CNTN4: variants seen among roughly 807,000 people sequenced by gnomAD.
CNTN4 encodes the protein contactin 4.
CNTN4 carries 77 observed loss-of-function variants against 122.5 expected under a neutral mutation model. That is an observed-to-expected ratio of 0.63 (90% CI 0.52 to 0.76). CNTN4 has a LOEUF of 0.76. CNTN4 is among the 30% of genes least tolerant of loss of function. CNTN4 has a pLI of 0.00. For synonymous variants in CNTN4, 512 were observed against 447.0 expected (o/e 1.15, Z -1.83); for missense variants, 1,256 against 1,259.1 (o/e 1.00, Z 0.04).
chr3:3,038,254 C>T (rs1482183660), intron 18 of CNTN4, among the ~76,000 whole-genome samples: 2 of 152,096 alleles, frequency 1.3e-5, no homozygotes, highest in African/African-American at 4.8e-5. Context: ...GAATTAATTC[C>T]CCTCAGCAAT....
At chr3:2,462,590 C>A (rs546001058) in intron 3 of CNTN4, among the ~76,000 whole-genome samples, 115 of 152,158 alleles carry the variant, frequency 7.6e-4, no homozygotes, top group Admixed American at 1.3e-3. Flanking sequence ...ATTTTGTATG[C>A]CTTTTATCAG....
chr3:2,527,910 G>GTCTCT (rs1168911845), intron 3 of CNTN4, among the ~76,000 whole-genome samples: 90 of 152,188 alleles, frequency 5.9e-4, no homozygotes, highest in Non-Finnish European at 1.2e-3. Flanking sequence ...TAAAGCAAGA[G>GTCTCT]TTCTGCTTTC....
At chr3:2,671,923 AACAGCAAATATTGC>A (rs2084541003) in intron 4 of CNTN4, among the ~76,000 whole-genome samples, 1 of 104,402 alleles carries the variant, frequency 9.6e-6, no homozygotes, top group African/African-American at 6.0e-5. Context: ...AATATTGCTG[AACAGCAAATATTGC>A]TGAACAGCAA....
intron 6 of CNTN4, among the ~76,000 whole-genome samples, chr3:2,780,874 A>T (rs930570670): frequency 1.3e-5 from 2 of 152,216 alleles, no homozygotes; most frequent in African/African-American, 4.8e-5. Context: ...TACGTTTTAG[A>T]TATTGTGAAT....
chr3:2,231,303 C>T (rs561987393), intron 2 of CNTN4, among the ~76,000 whole-genome samples: 34 of 152,298 alleles, frequency 2.2e-4, no homozygotes, highest in African/African-American at 7.7e-4. Flanking sequence ...CATGATAGTA[C>T]AGTTGCCATG....
chr3:2,380,641 C>G (rs1038627596), intron 3 of CNTN4, among the ~76,000 whole-genome samples: 1 of 151,924 alleles, frequency 6.6e-6, no homozygotes, highest in Non-Finnish European at 1.5e-5. Flanking sequence ...ACTACATTGA[C>G]TATTGCCAAA....
chr3:2,284,992 T>G, intron 2 of CNTN4, among the ~76,000 whole-genome samples: 1 of 151,950 alleles, frequency 6.6e-6, no homozygotes, highest in East Asian at 1.9e-4. Context: ...ATTCTCTCTA[T>G]ATATATTTTT....
At position 3,040,189 on chromosome 3, in the gene CNTN4, C is replaced by T; in HGVS notation, c.2316C>T (p.Pro772=). Residue 772 remains proline (P), a synonymous_variant, in exon 20 of 25, where the codon CCC becomes CCT. Coordinates refer to ENST00000418658, the MANE Select transcript of CNTN4 (RefSeq NM_175607.3). ...FRNESVHPFS[P]FEVKVGVFNN... ...ATGAGAGCGTGCACCCCTTCTCTCC[C>T]TTTGAGGTTAAAGTAGGTGTCTTCA... 3 of 1,614,214 alleles carry T rather than the reference C, an allele frequency of 1.9e-6. No homozygotes were observed. The highest frequency in any genetic ancestry group is 2.5e-6 in the Non-Finnish European group (3 of 1,180,032).
intron 2 of CNTN4, chr3:2,110,717 C>A (rs534129251): frequency 7.3e-6 from 1 of 136,988 alleles, no homozygotes; most frequent in Non-Finnish European, 1.6e-5. Flanking sequence ...GGGCCTGTTT[C>A]TCCCCTCCCC....
At chr3:2,907,565 T>C (rs2151191907) in intron 12 of CNTN4, among the ~76,000 whole-genome samples, 1 of 111,470 alleles carries the variant, frequency 9.0e-6, no homozygotes, top group Non-Finnish European at 1.8e-5. Context: ...AGAGTGAGAC[T>C]GTCTCAAAAA....
chr3:2,625,540 A>T (rs562768842), intron 4 of CNTN4, among the ~76,000 whole-genome samples: 2 of 152,118 alleles, frequency 1.3e-5, no homozygotes, highest in African/African-American at 4.8e-5. Flanking sequence ...CACTACTTTT[A>T]TGGTTTTGCC....
At chr3:2,988,554 C>G in intron 14 of CNTN4, 82 bp downstream of exon 14, 2 of 1,397,944 alleles carry the variant, frequency 1.4e-6, no homozygotes, top group Non-Finnish European at 2.0e-6. Context: ...TGGCATCATT[C>G]ATATTAATAT....
intron 3 of CNTN4, among the ~76,000 whole-genome samples, chr3:2,533,608 A>G (rs1203810174): frequency 5.3e-5 from 8 of 152,002 alleles, no homozygotes; most frequent in Non-Finnish European, 8.8e-5. Context: ...GTGTGCATGT[A>G]TCTTTATAGC....
chr3:2,935,814 C>T (rs959035500), intron 13 of CNTN4, among the ~76,000 whole-genome samples: 2 of 152,108 alleles, frequency 1.3e-5, no homozygotes, highest in Non-Finnish European at 2.9e-5. Context: ...ATACAGGTTC[C>T]CCAGTTCCTT....
chr3:2,974,941 T>C (rs1012254370), intron 13 of CNTN4, among the ~76,000 whole-genome samples: 2 of 152,362 alleles, frequency 1.3e-5, no homozygotes, highest in Middle Eastern at 3.4e-3. Flanking sequence ...TATTGCTATT[T>C]GTCTTATAGA....
rs116521758 is a variant in CNTN4 at position 2,921,024 on chromosome 3, A to C, written c.1208-4605A>C. 3.6e-3 allele frequency among the ~76,000 whole-genome samples: 550 copies of C among 152,274 alleles called. 1 individual carries two copies. Among genetic ancestry groups the C allele is most frequent in the Non-Finnish European group, 4.7e-3 (323 of 68,020 alleles). ...TGTTGAGAGTCTCCTTGTGAATATC[A>C]TTCATAATAAGAGAGCACTGACTTG... On this transcript the variant is annotated intron_variant, in intron 12 of 24. Coordinates refer to ENST00000418658, the MANE Select transcript of CNTN4 (RefSeq NM_175607.3).
At chr3:3,036,690 C>T (rs542883476) in intron 17 of CNTN4, among the ~76,000 whole-genome samples, 2 of 151,110 alleles carry the variant, frequency 1.3e-5, no homozygotes, top group Admixed American at 6.6e-5. Context: ...TTGCATGAGT[C>T]TGGGAGGTGG....
chr3:2,754,448 T>C (rs544884233), intron 6 of CNTN4, among the ~76,000 whole-genome samples: 79 of 152,256 alleles, frequency 5.2e-4, no homozygotes, highest in South Asian at 1.0e-3. Flanking sequence ...ATGGGCAAGG[T>C]GGTATTATTC....
chr3:2,717,646 C>T lies in CNTN4; in HGVS notation c.56-18569C>T, dbSNP rs144477491. ...AAAACATCAAACCTGGGGTTGGTTT[C>T]GGGGACTCCTAACACAAGTATATAC... On this transcript the variant is annotated intron_variant, in intron 4 of 24. Coordinates refer to ENST00000418658, the MANE Select transcript of CNTN4 (RefSeq NM_175607.3). 2.4e-4 allele frequency among the ~76,000 whole-genome samples: 36 copies of T among 152,222 alleles called. 2 individuals carry two copies. In the East Asian group the frequency reaches 6.6e-3, roughly 28 times the overall value.
Sources: allele counts gnomAD v4.1 joint callset (sites outside exome capture counted in the v4.1 genomes callset), GRCh38; gene constraint gnomAD v4.1.1; transcripts MANE v1.5; gene names NCBI Gene and HGNC (gene_info 2026-07-23, HGNC 2026-07-21).